TNNT1: variants seen among roughly 807,000 people sequenced by gnomAD.
TNNT1 encodes troponin T1, slow skeletal type.
TNNT1 carries 53 observed loss-of-function variants against 50.6 expected under a neutral mutation model. The ratio of observed to expected loss-of-function variants is 1.05; its 90% confidence interval spans 0.84 to 1.32. TNNT1 has a LOEUF of 1.32. Among genes scored for constraint, TNNT1 ranks in the 40% most tolerant of loss-of-function variants. The pLI is 0.00. For synonymous variants in TNNT1, 142 were observed against 138.0 expected, an observed-to-expected ratio of 1.03 and a Z score of -0.20; for missense variants, 348 against 381.7, an observed-to-expected ratio of 0.91 and a Z score of 0.74.
chr19:55,133,417 C>T lies in TNNT1; in HGVS notation c.792-457G>A, dbSNP rs372136313. On this transcript the variant is annotated intron_variant, in intron 13 of 13. Transcript: ENST00000588981. ...CCTCTCGGCTGGGCGCGGTGGCTCA[C>T]GCCTGTAATCCCAGCACTTTAGGAG... 51 of 278,228 alleles carry T rather than the reference C, an allele frequency of 1.8e-4. No homozygotes were observed. The East Asian group carries it at 2.0e-3, about 11-fold the overall frequency. 17.2% of individuals were successfully genotyped at this position (278,228 alleles called of 1,614,324 possible). A position where few individuals can be genotyped will look rare whatever the true frequency, so the allele number is the denominator to read the frequency against.
chr19:55,145,515 CTG>C lies in TNNT1; in HGVS notation c.128+27_128+28del. 7 of 1,612,936 alleles carry C rather than the reference CTG, an allele frequency of 4.3e-6. No homozygotes were observed. The African/African-American group carries it at 9.3e-5, about 22-fold the overall frequency. The stretch of plus-strand genomic sequence containing the variant: ...AGGGAATATTTAGGAAGATGTATGA[CTG>C]GGGCCCCCCACCCTGTAGGATCTCA... On this transcript the variant is annotated intron_variant, in intron 6 of 13. Transcript: ENST00000588981.
intron 12 of TNNT1, 38 bp downstream of exon 12, chr19:55,134,028 G>A (rs763548650): frequency 6.2e-7 from 1 of 1,612,292 alleles, no homozygotes; most frequent in South Asian, 1.1e-5. Flanking sequence ...GCCCAGCCCT[G>A]CCCTCTCTCC....
At chr19:55,141,039 T>G in intron 8 of TNNT1, 79 bp from the exon 9 acceptor site, 1 of 1,569,266 alleles carries the variant, frequency 6.4e-7, no homozygotes, top group Non-Finnish European at 8.8e-7. Context: ...ATAAACAGAT[T>G]GGAGTGTGGC....
chr19:55,143,692 G>GC (rs2085498448), intron 6 of TNNT1, among the ~76,000 whole-genome samples: 1 of 151,968 alleles, frequency 6.6e-6, no homozygotes, highest in Admixed American at 6.6e-5. Context: ...CCTATCTCCT[G>GC]CCCCGACAGC....
At chr19:55,143,182 A>G (rs971683268) in intron 6 of TNNT1, among the ~76,000 whole-genome samples, 5 of 150,428 alleles carry the variant, frequency 3.3e-5, no homozygotes, top group African/African-American at 7.4e-5. Context: ...AAAAAAAAAA[A>G]AGAGATGGCG....
intron 1 of TNNT1, among the ~76,000 whole-genome samples, chr19:55,147,510 G>A (rs1306747228): frequency 6.8e-6 from 1 of 146,722 alleles, no homozygotes; most frequent in Non-Finnish European, 1.5e-5. Flanking sequence ...TGGGTCTGAG[G>A]GAGGAGGGAC....
At chr19:55,142,020 G>C (rs746302210) in intron 6 of TNNT1, 100 bp from the exon 7 acceptor site, 1 of 1,229,708 alleles carries the variant, frequency 8.1e-7, no homozygotes, top group Non-Finnish European at 1.2e-6. Flanking sequence ...GCCAGCCCCG[G>C]GAGGCTCCTG....
intron 6 of TNNT1, among the ~76,000 whole-genome samples, chr19:55,143,961 G>T (rs974318355): frequency 2.0e-5 from 3 of 151,958 alleles, no homozygotes; most frequent in Admixed American, 2.0e-4. Flanking sequence ...CCAGCCCAGA[G>T]ACCCTTCGGG....
intron 11 of TNNT1, 87 bp from the exon 12 acceptor site, chr19:55,134,291 T>A (rs1323760691): frequency 1.7e-5 from 22 of 1,323,318 alleles, no homozygotes; most frequent in Non-Finnish European, 2.1e-5. Context: ...AGTTCAGCGT[T>A]GTCGGCACCA....
intron 6 of TNNT1, among the ~76,000 whole-genome samples, chr19:55,144,132 G>A (rs1444870789): frequency 3.9e-5 from 5 of 129,176 alleles, no homozygotes; most frequent in African/African-American, 1.5e-4. Context: ...GCAATGACAC[G>A]ATCTTGACTC....
chr19:55,145,646 G>T (rs2085535626), intron 5 of TNNT1, 81 bp from the exon 6 acceptor site: 1 of 1,534,634 alleles, frequency 6.5e-7, no homozygotes, highest in Non-Finnish European at 9.0e-7. Context: ...CCTGGGGAGG[G>T]ACCCCCCAAG....
intron 1 of TNNT1, 48 bp downstream of exon 1, chr19:55,149,113 C>A (rs1038814911): frequency 8.8e-6 from 4 of 455,986 alleles, no homozygotes; most frequent in South Asian, 3.1e-5. Flanking sequence ...GCCCCCTCCC[C>A]CAAGGACATG....
At chr19:55,136,472 T>G (rs904345084) in intron 11 of TNNT1, among the ~76,000 whole-genome samples, 2 of 152,152 alleles carry the variant, frequency 1.3e-5, no homozygotes, top group Admixed American at 6.6e-5. Flanking sequence ...CAATGAGGAA[T>G]GGGAGCCCCA....
At position 55,138,104 on chromosome 19, in the gene TNNT1, A is replaced by T. The variant is rs200508918; in HGVS notation, c.388-30T>A. The T allele has an allele frequency of 1.5e-4, 249 of 1,613,364 alleles. 4 individuals carry two copies. The East Asian group carries it at 4.5e-3, about 29-fold the overall frequency. On this transcript the variant is annotated intron_variant, in intron 9 of 13. Transcript: ENST00000588981. ...GGGAAGTAAGGGGTTAACCTCATGG[A>T]CTCCCCTGTAGGACTGAGGGAGGAG...
intron 9 of TNNT1, 95 bp from the exon 10 acceptor site, chr19:55,138,169 C>A: frequency 6.2e-7 from 1 of 1,601,414 alleles, no homozygotes; most frequent in Non-Finnish European, 8.5e-7. Context: ...GATCAGCAGA[C>A]CCAGTGCCGC....
intron 11 of TNNT1, 65 bp downstream of exon 11, chr19:55,137,038 T>G: frequency 4.6e-5 from 49 of 1,055,176 alleles, no homozygotes; most frequent in Non-Finnish European, 6.5e-5. Flanking sequence ...GATCTGGGTG[T>G]GAGCTCCTTT....
intron 3 of TNNT1, 63 bp downstream of exon 3, chr19:55,146,945 C>T (rs2085568316): frequency 6.5e-7 from 1 of 1,527,342 alleles, no homozygotes; most frequent in Non-Finnish European, 8.8e-7. Flanking sequence ...CACTCCTCGC[C>T]TCCCCTCCCA....
intron 9 of TNNT1, among the ~76,000 whole-genome samples, chr19:55,139,804 T>TA (rs56851304): frequency 0.24 from 35,293 of 148,942 alleles, 4,352 homozygotes; most frequent in South Asian, 0.41. Flanking sequence ...CTATCTCAAA[T>TA]AAAAAAAAAT....
At chr19:55,145,521 C>G (rs567977319) in intron 6 of TNNT1, 23 bp downstream of exon 6, 4 of 1,612,180 alleles carry the variant, frequency 2.5e-6, no homozygotes, top group Non-Finnish European at 3.4e-6. Flanking sequence ...ATGACTGGGG[C>G]CCCCCACCCT....
Sources: allele counts gnomAD v4.1 joint callset (sites outside exome capture counted in the v4.1 genomes callset), GRCh38; gene constraint gnomAD v4.1.1; transcripts MANE v1.5; gene names NCBI Gene and HGNC (gene_info 2026-07-23, HGNC 2026-07-21).